Variants in TMEM45A observed in about 807,000 individuals in gnomAD.
TMEM45A encodes DNA polymerase-transactivated protein 4.
Under a neutral mutation model 32.0 loss-of-function variants are expected in TMEM45A, and 25 were observed. That is an observed-to-expected ratio of 0.78 (90% CI 0.57 to 1.09). TMEM45A has a LOEUF of 1.09. Ranked by LOEUF, TMEM45A falls within the 50% of genes least tolerant of loss-of-function variation. The probability of loss-of-function intolerance (pLI) is 0.00; values close to 1 mark genes in which losing one functional copy is unlikely to be tolerated. For synonymous variants in TMEM45A, 122 were observed against 114.8 expected (o/e 1.06, Z -0.40); for missense variants, 302 against 325.0 (o/e 0.93, Z 0.54).
intron 1 of TMEM45A, among the ~76,000 whole-genome samples, chr3:100,528,776 T>A (rs1046576860): frequency 2.6e-5 from 4 of 152,194 alleles, no homozygotes; most frequent in Admixed American, 6.5e-5. Flanking sequence ...AATTTATAAA[T>A]GAAATATCCT....
At chr3:100,493,897 A>G (rs1407943289) in intron 1 of TMEM45A, among the ~76,000 whole-genome samples, 1 of 152,010 alleles carries the variant, frequency 6.6e-6, no homozygotes, top group Non-Finnish European at 1.5e-5. Context: ...GTGCCCAGCT[A>G]ATTTTTGTAT....
At chr3:100,566,264 G>A (rs1156490087) in intron 4 of TMEM45A, among the ~76,000 whole-genome samples, 2 of 151,980 alleles carry the variant, frequency 1.3e-5, no homozygotes, top group Non-Finnish European at 1.5e-5. Flanking sequence ...CCTATTTTTA[G>A]TTCTTTTGGG....
chr3:100,537,516 T>G (rs1173466966), intron 1 of TMEM45A, among the ~76,000 whole-genome samples: 1 of 152,186 alleles, frequency 6.6e-6, no homozygotes, highest in Non-Finnish European at 1.5e-5. Context: ...TGGCTTTCCT[T>G]CCCAAGGTGG....
At chr3:100,553,144 T>C (rs1706142329) in intron 1 of TMEM45A, among the ~76,000 whole-genome samples, 1 of 152,214 alleles carries the variant, frequency 6.6e-6, no homozygotes, top group Non-Finnish European at 1.5e-5. Context: ...TTTAAATTTA[T>C]GATGTAGGTA....
chr3:100,512,972 G>T (rs1368421706), intron 1 of TMEM45A, among the ~76,000 whole-genome samples: 1 of 150,694 alleles, frequency 6.6e-6, no homozygotes, highest in East Asian at 1.9e-4. Context: ...CTGAAATTGT[G>T]GCAATAATCA....
At chr3:100,495,542 G>A (rs1391537450) in intron 1 of TMEM45A, among the ~76,000 whole-genome samples, 2 of 152,196 alleles carry the variant, frequency 1.3e-5, no homozygotes, top group African/African-American at 4.8e-5. Flanking sequence ...GGAAAGAGAG[G>A]CTTGGGAGGT....
intron 1 of TMEM45A, among the ~76,000 whole-genome samples, chr3:100,517,633 G>A (rs1220970353): frequency 6.6e-6 from 1 of 152,176 alleles, no homozygotes; most frequent in African/African-American, 2.4e-5. Flanking sequence ...AGAAATATTT[G>A]AGCATCTAAG....
At chr3:100,572,967 T>C (rs1220355638) in intron 5 of TMEM45A, 44 of 151,950 alleles carry the variant, frequency 2.9e-4, no homozygotes, top group African/African-American at 9.4e-4. Context: ...TATATCTCTG[T>C]TTTGGTACCA....
intron 1 of TMEM45A, among the ~76,000 whole-genome samples, chr3:100,551,840 A>C (rs1462771647): frequency 2.6e-5 from 4 of 152,186 alleles, no homozygotes; most frequent in African/African-American, 9.7e-5. Context: ...GAGTTGTATA[A>C]CTGAAGTAGG....
At chr3:100,506,401 T>G (rs1186695984) in intron 1 of TMEM45A, among the ~76,000 whole-genome samples, 1 of 152,166 alleles carries the variant, frequency 6.6e-6, no homozygotes, top group African/African-American at 2.4e-5. Flanking sequence ...ATTCACAGTA[T>G]CTGACACCCC....
At chr3:100,493,120 C>CAT (rs1559630375) in intron 1 of TMEM45A, among the ~76,000 whole-genome samples, 192 bp downstream of exon 1, 4 of 115,918 alleles carry the variant, frequency 3.5e-5, no homozygotes, top group African/African-American at 3.4e-5. Context: ...GTTTGCTATT[C>CAT]TTTTTTTTTT....
intron 1 of TMEM45A, among the ~76,000 whole-genome samples, chr3:100,554,174 CTTT>C (rs531566153): frequency 2.1e-5 from 3 of 141,892 alleles, no homozygotes; most frequent in Admixed American, 7.1e-5. Context: ...TCACATAATT[CTTT>C]TTTTTTTTTT....
intron 1 of TMEM45A, among the ~76,000 whole-genome samples, chr3:100,514,596 C>A (rs1351726014): frequency 3.9e-5 from 6 of 152,024 alleles, no homozygotes; most frequent in African/African-American, 1.4e-4. Context: ...ACACCAAAAG[C>A]AATGGCAACA....
At chr3:100,569,688 T>A (rs1255715902) in intron 5 of TMEM45A, among the ~76,000 whole-genome samples, 1 of 152,124 alleles carries the variant, frequency 6.6e-6, no homozygotes, top group Non-Finnish European at 1.5e-5. Flanking sequence ...TATTATTGTC[T>A]TGTTGTTCTT....
At chr3:100,560,917 A>G (rs1476603813) in intron 4 of TMEM45A, among the ~76,000 whole-genome samples, 1 of 152,174 alleles carries the variant, frequency 6.6e-6, no homozygotes, top group Admixed American at 6.5e-5. Context: ...TGGCAGATAA[A>G]TGTTTTCATA....
Position 100,549,246 on chromosome 3 carries a change from C to A in TMEM45A, c.-3-5963C>A, listed in dbSNP as rs1450331161. ...TGGGCAACAGAGTGAGATCCTGTCT[C>A]AAAAAAAAACAAAAAAACAAAAAAA... On this transcript the variant is annotated intron_variant, in intron 1 of 5. Coordinates refer to ENST00000323523, the MANE Select transcript of TMEM45A (RefSeq NM_018004.3). Among the ~76,000 whole-genome samples the A allele has an allele frequency of 1.8e-4, 27 of 146,418 alleles. 1 individual carries two copies. The South Asian group carries it at 4.1e-3, about 22-fold the overall frequency.
At chr3:100,513,606 GT>G (rs1708206274) in intron 1 of TMEM45A, among the ~76,000 whole-genome samples, 1 of 150,702 alleles carries the variant, frequency 6.6e-6, no homozygotes, top group East Asian at 1.9e-4. Flanking sequence ...ATTCAACATA[GT>G]GTTGGAAGTT....
At chr3:100,569,452 C>A (rs1353394378) in intron 5 of TMEM45A, among the ~76,000 whole-genome samples, 1 of 152,128 alleles carries the variant, frequency 6.6e-6, no homozygotes, top group Non-Finnish European at 1.5e-5. Flanking sequence ...CAGTTGAATA[C>A]ATTTTTTATA....
At position 100,569,031 on chromosome 3, in the gene TMEM45A, G is replaced by T. The variant is rs147149030; in HGVS notation, c.734+64G>T. 3.2e-4 allele frequency: 476 copies of T among 1,485,922 alleles called. 3 individuals are homozygous for T. The East Asian group carries it at 0.01, about 32-fold the overall frequency. The allele number at this position is 1,485,922 out of a possible 1,614,324, so 92.0% of individuals were successfully genotyped here. On this transcript the variant is annotated intron_variant, in intron 5 of 5. Transcript: ENST00000323523. The stretch of plus-strand genomic sequence containing the variant: ...TGGTATGTGATTATCAAGACTCAGT[G>T]GTATTGAATTTAAAATTCAAAAGGG...
Sources: allele counts gnomAD v4.1 joint callset (sites outside exome capture counted in the v4.1 genomes callset), GRCh38; gene constraint gnomAD v4.1.1; transcripts MANE v1.5; gene names NCBI Gene and HGNC (gene_info 2026-07-23, HGNC 2026-07-21).